Variants in CLPSL1 observed in about 807,000 individuals in gnomAD.
CLPSL1 encodes the protein colipase-like protein 1.
CLPSL1 carries 13 observed loss-of-function variants against 9.3 expected under a neutral mutation model. The observed-to-expected ratio is 1.40, with a 90% confidence interval of 0.91 to 2.22. The LOEUF (loss-of-function observed/expected upper bound fraction) is 2.22, where lower values mean the gene tolerates loss of function less well. CLPSL1 is among the 30% of genes most tolerant of loss of function. The pLI, the probability that CLPSL1 is intolerant of heterozygous loss-of-function variation, is 0.00. For missense variants in CLPSL1, 164 were observed against 146.6 expected (o/e 1.12, Z -0.61); for synonymous variants, 58 against 56.9 (o/e 1.02, Z -0.08).
At position 35,787,057 on chromosome 6, in the gene CLPSL1, T is replaced by G; in HGVS notation, c.159T>G (p.Ala53=). Residue 53 remains alanine (A), a synonymous_variant, in exon 2 of 3, where the codon GCT becomes GCG. Coordinates refer to ENST00000373861, the MANE Select transcript of CLPSL1 (RefSeq NM_001010886.5). ...GCGAGACTGGCTGCTGCCAACGTGC[T>G]CCAGACAATTGCGAGTCGCACTGCG... ...QDCETGCCQR[A]PDNCESHCAE... The G allele has an allele frequency of 6.2e-7, 1 of 1,604,752 alleles. No individual in the cohort carries two copies. The highest frequency in any genetic ancestry group is 1.3e-5 in the African/African-American group (1 of 75,062).
chr6:35,791,264 G>A (rs567410458), downstream of CLPSL1, among the ~76,000 whole-genome samples: 2 of 152,256 alleles, frequency 1.3e-5, no homozygotes, highest in Non-Finnish European at 2.9e-5. Flanking sequence ...ACTTACGATG[G>A]GGCTACATCC....
downstream of CLPSL1, among the ~76,000 whole-genome samples, chr6:35,789,396 A>G (rs1768147557): frequency 6.6e-6 from 1 of 152,288 alleles, no homozygotes. Flanking sequence ...TCACATGCCA[A>G]AGAATGGAAT....
chr6:35,790,672 T>A (rs1768168448), downstream of CLPSL1, among the ~76,000 whole-genome samples: 1 of 152,262 alleles, frequency 6.6e-6, no homozygotes, highest in Non-Finnish European at 1.5e-5. Flanking sequence ...GCTATTATAG[T>A]TTCGTGACCT....
rs148649180 is a variant in CLPSL1 at position 35,781,777 on chromosome 6, G to C, written c.99+568G>C. Among the ~76,000 whole-genome samples, 105 of 139,312 alleles carry C rather than the reference G, an allele frequency of 7.5e-4. 1 individual carries two copies. In the East Asian group the frequency reaches 0.021, roughly 28 times the overall value. The allele number at this position is 139,312 out of a possible 152,430, so 91.4% of individuals were successfully genotyped here. The stretch of plus-strand genomic sequence containing the variant: ...TTTCTTTTTTTTGGGACAGAGTCTT[G>C]CTTTGTCACCCAGGCTGGAGTGCAG... On this transcript the variant is annotated intron_variant, in intron 1 of 2. Coordinates refer to ENST00000373861, the MANE Select transcript of CLPSL1 (RefSeq NM_001010886.5).
chr6:35,784,226 T>C (rs981696553), intron 1 of CLPSL1, among the ~76,000 whole-genome samples: 2 of 152,176 alleles, frequency 1.3e-5, no homozygotes, highest in Non-Finnish European at 2.9e-5. Context: ...CAAATTCTGA[T>C]TGGCAGTTGG....
chr6:35,787,369 T>A (rs574000870), intron 2 of CLPSL1, among the ~76,000 whole-genome samples: 1 of 152,390 alleles, frequency 6.6e-6, no homozygotes, highest in South Asian at 2.1e-4. Flanking sequence ...CTAATGTGGG[T>A]TCACATTCTC....
chr6:35,792,166 T>G (rs1411326832), downstream of CLPSL1, among the ~76,000 whole-genome samples: 3 of 152,136 alleles, frequency 2.0e-5, no homozygotes, highest in Admixed American at 2.0e-4. Flanking sequence ...TTCTAGCACT[T>G]GGGGAACTGA....
chr6:35,781,644 T>C (rs1372842680), intron 1 of CLPSL1, among the ~76,000 whole-genome samples: 1 of 151,720 alleles, frequency 6.6e-6, no homozygotes, highest in Non-Finnish European at 1.5e-5. Flanking sequence ...CTATTAATAA[T>C]AGCATCTATC....
At chr6:35,789,713 G>A (rs1286358690), downstream of CLPSL1, among the ~76,000 whole-genome samples, 1 of 152,232 alleles carries the variant, frequency 6.6e-6, no homozygotes, top group Admixed American at 6.5e-5. Flanking sequence ...GGCCATCATG[G>A]TGAAACCCCA....
At chr6:35,781,912 A>AT (rs1307411068) in intron 1 of CLPSL1, among the ~76,000 whole-genome samples, 2 of 150,640 alleles carry the variant, frequency 1.3e-5, no homozygotes, top group Non-Finnish European at 3.0e-5. Flanking sequence ...CGCCCAGCTA[A>AT]TTTTTTTTTC....
At chr6:35,789,935 T>G (rs57008391), downstream of CLPSL1, among the ~76,000 whole-genome samples, 5 of 152,222 alleles carry the variant, frequency 3.3e-5, no homozygotes, top group Admixed American at 2.6e-4. Flanking sequence ...GGTTTGGTTT[T>G]GTTTTGTTGG....
intron 1 of CLPSL1, 122 bp downstream of exon 1, chr6:35,781,331 G>C: frequency 7.2e-7 from 1 of 1,398,278 alleles, no homozygotes; most frequent in Non-Finnish European, 9.5e-7. Flanking sequence ...GCAGCAGGGA[G>C]TGTTGGGTGG....
chr6:35,787,830 G>A (rs1384726982), intron 2 of CLPSL1, 37 bp from the exon 3 acceptor site: 1 of 1,594,668 alleles, frequency 6.3e-7, no homozygotes, highest in East Asian at 2.3e-5. Context: ...GGGAAGAGCT[G>A]CCGCCAAGGT....
downstream of CLPSL1, among the ~76,000 whole-genome samples, chr6:35,792,648 C>T (rs1768243510): frequency 6.6e-6 from 1 of 152,274 alleles, no homozygotes; most frequent in African/African-American, 2.4e-5. Context: ...TGGTTGGGGT[C>T]TTGGTCACTT....
downstream of CLPSL1, among the ~76,000 whole-genome samples, chr6:35,792,526 G>C (rs1768240698): frequency 1.3e-5 from 2 of 152,288 alleles, no homozygotes; most frequent in Admixed American, 1.3e-4. Context: ...CTGGTTCCTT[G>C]AGCTGTGGTT....
At chr6:35,786,897 CAG>C (rs2151061300) in intron 1 of CLPSL1, 99 bp from the exon 2 acceptor site, 2 of 1,405,920 alleles carry the variant, frequency 1.4e-6, no homozygotes, top group East Asian at 5.0e-5. Context: ...ATGGTGGGAG[CAG>C]AGTCTGGGGA....
intron 1 of CLPSL1, among the ~76,000 whole-genome samples, chr6:35,783,326 C>T (rs1045942288): frequency 1.6e-4 from 25 of 152,196 alleles, no homozygotes; most frequent in African/African-American, 5.1e-4. Context: ...GCCTGACCAA[C>T]ATGGTGAAAG....
chr6:35,793,434 A>T (rs1021675669), intron 1 of CLPSL1: 3 of 445,128 alleles, frequency 6.7e-6, no homozygotes, highest in Non-Finnish European at 1.4e-5. Context: ...TCAAAAAAAA[A>T]AAAAAAAAGG....
intron 1 of CLPSL1, among the ~76,000 whole-genome samples, chr6:35,783,195 A>G (rs761872788): frequency 2.0e-5 from 3 of 152,172 alleles, no homozygotes; most frequent in Non-Finnish European, 2.9e-5. Context: ...TGTATGATGA[A>G]ATCACACAGT....
Sources: gnomAD v4.1 joint callset for allele counts (sites outside exome capture counted in the v4.1 genomes callset) on GRCh38, gnomAD v4.1.1 for gene constraint, MANE v1.5 for transcripts, NCBI Gene and HGNC (gene_info 2026-07-23, HGNC 2026-07-21) for gene names.